The following ROBO2 variants were observed in gnomAD, a reference collection of about 807,000 sequenced individuals.
ROBO2 encodes roundabout guidance receptor 2.
Under a neutral mutation model 160.8 loss-of-function variants are expected in ROBO2, and 53 were observed. The observed-to-expected ratio is 0.33, with a 90% confidence interval of 0.26 to 0.41. The LOEUF (loss-of-function observed/expected upper bound fraction) is 0.41. Ranked by LOEUF, ROBO2 falls within the 10% of genes least tolerant of loss-of-function variation. The pLI is 1.00. For synonymous variants in ROBO2, 664 were observed against 611.7 expected (o/e 1.09, Z -1.26); for missense variants, 1,577 against 1,722.4 (o/e 0.92, Z 1.49).
chr3:75,934,827 A>G (rs1015101318), intron 1 of ROBO2, among the ~76,000 whole-genome samples: 75 of 152,280 alleles, frequency 4.9e-4, no homozygotes, highest in African/African-American at 1.5e-3. Flanking sequence ...TCAGTTCTAT[A>G]TAAAATAGTA....
intron 2 of ROBO2, among the ~76,000 whole-genome samples, chr3:76,652,495 C>CCT (rs1175014056): frequency 3.7e-4 from 56 of 152,272 alleles, no homozygotes; most frequent in African/African-American, 1.3e-3. Flanking sequence ...TACCTTTGTG[C>CCT]TATACTCTGT....
chr3:77,527,366 T>G (rs1452571080), intron 6 of ROBO2, 37 bp from the exon 7 acceptor site: 1 of 1,282,472 alleles, frequency 7.8e-7, no homozygotes, highest in Non-Finnish European at 1.0e-6. Context: ...TTTAATTTCT[T>G]TTTTATGTTC....
chr3:76,151,899 C>T (rs534129457), intron 2 of ROBO2, among the ~76,000 whole-genome samples: 25 of 152,174 alleles, frequency 1.6e-4, no homozygotes, highest in African/African-American at 5.8e-4. Context: ...TTGGTTGCTA[C>T]TTTAAAAAAT....
chr3:76,584,049 G>A (rs2085873025), intron 2 of ROBO2, among the ~76,000 whole-genome samples: 1 of 151,996 alleles, frequency 6.6e-6, no homozygotes, highest in African/African-American at 2.4e-5. Flanking sequence ...TCTCCTCCTT[G>A]CTTCTATTTA....
intron 2 of ROBO2, among the ~76,000 whole-genome samples, chr3:76,129,629 C>T (rs2106659188): frequency 6.6e-6 from 1 of 152,186 alleles, no homozygotes; most frequent in Non-Finnish European, 1.5e-5. Flanking sequence ...CATTGTGACT[C>T]TTCTAAGTTA....
chr3:77,056,626 T>A (rs2065772746), intron 1 of ROBO2, among the ~76,000 whole-genome samples: 1 of 152,174 alleles, frequency 6.6e-6, no homozygotes, highest in African/African-American at 2.4e-5. Context: ...GATGTAAATT[T>A]CATAGTTTTA....
intron 2 of ROBO2, among the ~76,000 whole-genome samples, chr3:76,633,858 G>A (rs2109510668): frequency 6.6e-6 from 1 of 151,868 alleles, no homozygotes; most frequent in East Asian, 1.9e-4. Context: ...GGTGCCCACA[G>A]CCTCAGCTTC....
chr3:77,220,105 G>T (rs932560506), intron 2 of ROBO2, among the ~76,000 whole-genome samples: 3 of 151,938 alleles, frequency 2.0e-5, no homozygotes, highest in African/African-American at 7.3e-5. Context: ...CCGCCTCTTG[G>T]GTTCAAGTGA....
chr3:75,999,120 A>G (rs1455345772), intron 2 of ROBO2, among the ~76,000 whole-genome samples: 1 of 152,174 alleles, frequency 6.6e-6, no homozygotes, highest in Admixed American at 6.5e-5. Context: ...CAGGCTAGTT[A>G]CTATCTGAGC....
intron 2 of ROBO2, among the ~76,000 whole-genome samples, chr3:77,329,598 A>G (rs1414781527): frequency 6.6e-6 from 1 of 152,208 alleles, no homozygotes; most frequent in Admixed American, 6.5e-5. Context: ...CAGTGATACT[A>G]TAGTGACTTC....
At chr3:77,242,481 C>G (rs936366822) in intron 2 of ROBO2, among the ~76,000 whole-genome samples, 2 of 152,070 alleles carry the variant, frequency 1.3e-5, no homozygotes, top group Admixed American at 6.6e-5. Context: ...ATGTTGTTAT[C>G]CAAAATATAT....
chr3:77,293,245 A>G (rs1230512678), intron 2 of ROBO2, among the ~76,000 whole-genome samples: 1 of 151,270 alleles, frequency 6.6e-6, no homozygotes, highest in Non-Finnish European at 1.5e-5. Context: ...GACATAAAGT[A>G]AAATTGACGG....
intron 2 of ROBO2, among the ~76,000 whole-genome samples, chr3:77,427,323 G>A (rs945232550): frequency 6.6e-6 from 1 of 152,218 alleles, no homozygotes; most frequent in African/African-American, 2.4e-5. Flanking sequence ...GTGCTAGTCA[G>A]TGTTGTAAGC....
At chr3:76,798,593 C>T (rs150680914) in intron 2 of ROBO2, among the ~76,000 whole-genome samples, 3 of 152,110 alleles carry the variant, frequency 2.0e-5, no homozygotes, top group Non-Finnish European at 4.4e-5. Flanking sequence ...TAAAAGCCCT[C>T]AAAAAACTGG....
At chr3:75,979,036 A>G (rs1289917643) in intron 2 of ROBO2, among the ~76,000 whole-genome samples, 1 of 151,568 alleles carries the variant, frequency 6.6e-6, no homozygotes. Context: ...ACCAATGTCT[A>G]CTTGACCCAC....
chr3:77,284,470 AG>A (rs2060450832), intron 2 of ROBO2, among the ~76,000 whole-genome samples: 1 of 152,176 alleles, frequency 6.6e-6, no homozygotes, highest in Admixed American at 6.5e-5. Flanking sequence ...CGTTCACAAT[AG>A]GTCTGATACA....
At chr3:76,834,658 A>G (rs1438743305) in intron 2 of ROBO2, among the ~76,000 whole-genome samples, 1 of 152,122 alleles carries the variant, frequency 6.6e-6, no homozygotes, top group Non-Finnish European at 1.5e-5. Context: ...GAGCCATTGC[A>G]TCTGGCCTAA....
intron 2 of ROBO2, among the ~76,000 whole-genome samples, chr3:77,292,951 G>T (rs1227417521): frequency 6.7e-6 from 1 of 149,616 alleles, no homozygotes. Flanking sequence ...TAAACGGTAA[G>T]CTGAGGCTAG....
chr3:77,093,667 G>A lies in ROBO2; in HGVS notation c.62-4347G>A, dbSNP rs957306474. Among the ~76,000 whole-genome samples, 4 of 152,062 alleles carry A rather than the reference G, an allele frequency of 2.6e-5. No individual in the cohort carries two copies. In the South Asian group the frequency reaches 6.2e-4, roughly 24 times the overall value. On this transcript the variant is annotated intron_variant, in intron 1 of 25. Transcript: ENST00000461745. ...TTATGTAATGTCTGAATTTAAGAAA[G>A]CTCAGAATTAATCCCCATATTTTTA...
Sources: allele counts gnomAD v4.1 joint callset (sites outside exome capture counted in the v4.1 genomes callset), GRCh38; gene constraint gnomAD v4.1.1; transcripts MANE v1.5; gene names NCBI Gene and HGNC (gene_info 2026-07-23, HGNC 2026-07-21).